The following UTRN variants were observed in gnomAD, a reference collection of about 807,000 sequenced individuals.
UTRN encodes dystrophin-related protein 1.
In UTRN, 283 loss-of-function variants were observed where a neutral mutation model predicts 463.9. The observed-to-expected ratio is 0.61, with a 90% CI of 0.55 to 0.67. UTRN has a LOEUF of 0.67. Among genes scored for constraint, UTRN ranks in the 30% least tolerant of loss-of-function variants. UTRN has a pLI of 0.00. For synonymous variants in UTRN, 1,442 were observed against 1,431.5 expected, an observed-to-expected ratio of 1.01 and a Z score of -0.17; for missense variants, 3,922 against 4,084.3, an observed-to-expected ratio of 0.96 and a Z score of 1.08.
At chr6:144,627,256 G>A (rs1396436582) in intron 51 of UTRN, among the ~76,000 whole-genome samples, 1 of 152,110 alleles carries the variant, frequency 6.6e-6, no homozygotes, top group East Asian at 1.9e-4. Context: ...ACATCTAAAT[G>A]GTGTCATTCC....
At chr6:144,551,782 C>T (rs1259575030) in intron 48 of UTRN, among the ~76,000 whole-genome samples, 4 of 152,176 alleles carry the variant, frequency 2.6e-5, no homozygotes, top group Non-Finnish European at 4.4e-5. Flanking sequence ...CAGCCCTCAG[C>T]CCGGCCTGTA....
At chr6:144,670,311 T>C (rs896899656) in intron 51 of UTRN, among the ~76,000 whole-genome samples, 6 of 152,180 alleles carry the variant, frequency 3.9e-5, no homozygotes, top group African/African-American at 1.2e-4. Context: ...TTTTTAATTA[T>C]GGCCATTCTT....
At chr6:144,696,895 G>A (rs1428592631) in intron 52 of UTRN, among the ~76,000 whole-genome samples, 1 of 152,130 alleles carries the variant, frequency 6.6e-6, no homozygotes, top group African/African-American at 2.4e-5. Flanking sequence ...TAACTTGCTT[G>A]AAGATACAGT....
At chr6:144,389,758 A>C (rs1417140786) in intron 2 of UTRN, among the ~76,000 whole-genome samples, 1 of 151,964 alleles carries the variant, frequency 6.6e-6, no homozygotes, top group Non-Finnish European at 1.5e-5. Flanking sequence ...GCCACCACGC[A>C]CAGCTAATTT....
chr6:144,537,432 A>G (rs1203386101), intron 43 of UTRN, 150 bp from the exon 44 acceptor site: 2 of 424,372 alleles, frequency 4.7e-6, no homozygotes, highest in Non-Finnish European at 7.1e-6. Context: ...TAGAATATAT[A>G]CATTGTTTCA....
chr6:144,744,423 T>C (rs1790468529), intron 54 of UTRN, among the ~76,000 whole-genome samples: 1 of 147,298 alleles, frequency 6.8e-6, no homozygotes, highest in South Asian at 2.1e-4. Flanking sequence ...TTATGTATAA[T>C]ATATACATAA....
intron 35 of UTRN, among the ~76,000 whole-genome samples, chr6:144,513,516 C>T (rs1157292902): frequency 2.0e-5 from 3 of 152,020 alleles, no homozygotes; most frequent in Non-Finnish European, 4.4e-5. Flanking sequence ...TGCCACTCTA[C>T]TCCAGGCTGG....
At chr6:144,626,241 T>C (rs997140587) in intron 51 of UTRN, among the ~76,000 whole-genome samples, 4 of 152,244 alleles carry the variant, frequency 2.6e-5, no homozygotes, top group Admixed American at 1.3e-4. Flanking sequence ...GCAAAAATTA[T>C]TTCAACAAAC....
At chr6:144,301,655 C>T (rs1484612665) in intron 2 of UTRN, among the ~76,000 whole-genome samples, 4 of 151,518 alleles carry the variant, frequency 2.6e-5, no homozygotes, top group Non-Finnish European at 5.9e-5. Flanking sequence ...CTGCCTCAGC[C>T]TCCCAAGTAG....
At chr6:144,409,407 C>T (rs114705726) in intron 3 of UTRN, among the ~76,000 whole-genome samples, 403 of 152,250 alleles carry the variant, frequency 2.6e-3, no homozygotes, top group African/African-American at 9.0e-3. Flanking sequence ...TTGTAATTGA[C>T]GATCAGTTTA....
chr6:144,836,308 C>T lies in UTRN; in HGVS notation c.9832C>T (p.Gln3278Ter), dbSNP rs1139837. The change falls in exon 71 of 75, where the codon CAG becomes TAG. Residue 3278 changes from glutamine to a stop codon, truncating the protein, a stop_gained. Coordinates refer to ENST00000367545, the MANE Select transcript of UTRN (RefSeq NM_007124.3). LOFTEE classifies it high-confidence loss of function. ...ADLEEEQRNLQVEYEQLKDQH... is the reference protein window; with the variant it reads ...ADLEEEQRNL ...TCCCTCTTTCTGTATTAGAAATCTA[C>T]AGGTGGAGTATGAGCAGCTGAAGGA... 1 of 1,614,112 alleles carries T rather than the reference C, an allele frequency of 6.2e-7. No individual in the cohort carries two copies. The highest frequency in any genetic ancestry group is 8.5e-7 in the Non-Finnish European group (1 of 1,179,980).
intron 2 of UTRN, among the ~76,000 whole-genome samples, chr6:144,336,601 C>T (rs1284626735): frequency 1.3e-5 from 2 of 152,296 alleles, no homozygotes; most frequent in Non-Finnish European, 1.5e-5. Flanking sequence ...CTTACTATGA[C>T]AGCAAGTGTG....
chr6:144,421,078 C>G (rs1784793697), intron 3 of UTRN, among the ~76,000 whole-genome samples: 2 of 152,184 alleles, frequency 1.3e-5, no homozygotes, highest in South Asian at 4.1e-4. Context: ...ACGATCTTGG[C>G]TCACTGCAAC....
intron 51 of UTRN, among the ~76,000 whole-genome samples, chr6:144,608,893 G>A (rs368199780): frequency 1.1e-4 from 16 of 152,080 alleles, no homozygotes; most frequent in South Asian, 1.0e-3. Flanking sequence ...GTTGCACAAA[G>A]TATAAAAAGA....
At chr6:144,317,317 T>TA (rs1442517357) in intron 2 of UTRN, among the ~76,000 whole-genome samples, 2 of 152,282 alleles carry the variant, frequency 1.3e-5, no homozygotes, top group Non-Finnish European at 2.9e-5. Flanking sequence ...AAAATCATTT[T>TA]AAAAAAAGAG....
chr6:144,650,233 A>C lies in UTRN; in HGVS notation c.7480-28173A>C, dbSNP rs1397543834. Among the ~76,000 whole-genome samples the C allele has an allele frequency of 2.6e-5, 4 of 152,172 alleles. 1 individual carries two copies. Among genetic ancestry groups the C allele is most frequent in the Non-Finnish European group, 5.9e-5 (4 of 68,028 alleles). ...CTTCATGATTTAATTACCTCCCACC[A>C]AGTCCCTCCCACAACACGTGGGAAT... On this transcript the variant is annotated intron_variant, in intron 51 of 74. Coordinates refer to ENST00000367545, the MANE Select transcript of UTRN (RefSeq NM_007124.3).
In UTRN at chr6:144,753,581, C is replaced by T. The variant is rs150311857; in HGVS notation, c.8356-1139C>T. On this transcript the variant is annotated intron_variant, in intron 56 of 74. Coordinates refer to ENST00000367545, the MANE Select transcript of UTRN (RefSeq NM_007124.3). ...TTACAGTGAGCTATGTTTGTGCCACCGCACTCCAGCCTGGGCAACAGAGTG... is the reference window on the plus strand; with the variant it reads ...TTACAGTGAGCTATGTTTGTGCCACTGCACTCCAGCCTGGGCAACAGAGTG... Among the ~76,000 whole-genome samples, 274 of 151,690 alleles carry T rather than the reference C, an allele frequency of 1.8e-3. 1 individual carries two copies. The highest frequency in any genetic ancestry group is 9.7e-3 in the East Asian group (50 of 5,148).
At chr6:144,381,911 G>A (rs987648498) in intron 2 of UTRN, among the ~76,000 whole-genome samples, 1 of 152,188 alleles carries the variant, frequency 6.6e-6, no homozygotes, top group Non-Finnish European at 1.5e-5. Context: ...TCTGTCTTTA[G>A]GTCTTTGAGG....
chr6:144,786,850 T>A (rs1776339567), intron 61 of UTRN, among the ~76,000 whole-genome samples: 1 of 152,172 alleles, frequency 6.6e-6, no homozygotes, highest in South Asian at 2.1e-4. Context: ...CTAGTTGTAT[T>A]CCTATCTTAC....
Sources: allele counts gnomAD v4.1 joint callset (sites outside exome capture counted in the v4.1 genomes callset), GRCh38; gene constraint gnomAD v4.1.1; transcripts MANE v1.5; gene names NCBI Gene and HGNC (gene_info 2026-07-23, HGNC 2026-07-21).